The following COMMD7 variants were observed in gnomAD, a reference collection of about 807,000 sequenced individuals.
COMMD7 encodes the protein COMM domain-containing protein 7.
In COMMD7, 28 loss-of-function variants were observed where a neutral mutation model predicts 34.8. The ratio of observed to expected loss-of-function variants is 0.80; its 90% CI spans 0.60 to 1.10. The LOEUF (loss-of-function observed/expected upper bound fraction) is 1.10. COMMD7 is among the 50% of genes least tolerant of loss of function. The pLI is 0.00. For missense variants in COMMD7, 211 were observed against 241.6 expected (o/e 0.87, Z 0.84); for synonymous variants, 80 against 86.4 (o/e 0.93, Z 0.41).
At position 32,706,579 on chromosome 20, in the gene COMMD7, A is replaced by G; in HGVS notation, c.336+4T>C. The G allele has an allele frequency of 6.2e-7, 1 of 1,603,570 alleles. No homozygotes were observed. Among genetic ancestry groups the G allele is most frequent in the Non-Finnish European group, 8.5e-7 (1 of 1,170,654 alleles). ...CCATTAACCTTGATTAAGAGGAATT[A>G]TACCTTTTCAGAAAAGTAAGTGGCT... On this transcript the variant is annotated splice_donor_region_variant and intron_variant, in intron 5 of 8. Transcript: ENST00000278980.
rs1984993744 is a variant in COMMD7 at position 32,719,092 on chromosome 20, T to A, written c.241+8801A>T. 3.3e-5 allele frequency among the ~76,000 whole-genome samples: 5 copies of A among 152,274 alleles called. No individual in the cohort carries two copies. In the South Asian group the frequency reaches 1.0e-3, roughly 32 times the overall value. On this transcript the variant is annotated intron_variant, in intron 3 of 8. Transcript: ENST00000278980. ...ACACTGATGAGGGCCTGGAGGCTCT[T>A]ACGTTGCAGATTAGATTAGGAAAGG...
At chr20:32,735,915 T>C (rs1468410970) in intron 1 of COMMD7, among the ~76,000 whole-genome samples, 2 of 152,230 alleles carry the variant, frequency 1.3e-5, no homozygotes, top group African/African-American at 4.8e-5. Flanking sequence ...TTATCCTTTA[T>C]ATTTTTCTGA....
intron 1 of COMMD7, among the ~76,000 whole-genome samples, chr20:32,729,509 A>G (rs1035656738): frequency 1.6e-4 from 25 of 151,742 alleles, no homozygotes; most frequent in Non-Finnish European, 1.3e-4. Flanking sequence ...GGCCAGGTGC[A>G]GTGGCTCACG....
intron 3 of COMMD7, among the ~76,000 whole-genome samples, chr20:32,713,633 C>T (rs2145727472): frequency 6.6e-6 from 1 of 152,330 alleles, no homozygotes; most frequent in African/African-American, 2.4e-5. Context: ...CCCTGTGAGG[C>T]TCACAGAGAA....
Position 32,704,469 on chromosome 20 carries a change from A to G in COMMD7, c.448T>C (p.Leu150=). Residue 150 remains leucine (L), a synonymous_variant, in exon 7 of 9, where the codon TTG becomes CTG. Coordinates refer to ENST00000278980, the MANE Select transcript of COMMD7 (RefSeq NM_053041.3). The part of the protein sequence containing the change: ...KFGVTSGSSE[L]EKVGSIFLQL... ...AAAAATATACTTCCCACTTTCTCCA[A>G]TTCGCTGCTCCCAGATGTCACTGTG... 13 of 1,609,548 alleles carry G rather than the reference A, an allele frequency of 8.1e-6. No homozygotes were observed. The highest frequency in any genetic ancestry group is 1.0e-5 in the Non-Finnish European group (12 of 1,178,924).
Position 32,713,049 on chromosome 20 carries a change from C to CT in COMMD7, c.242-6290dup, listed in dbSNP as rs1318989294. ...GCCCGTCCTCTTTCTTTTTTAATTT[C>CT]TTTTTTTTTTTTTTTTGAGACAGAG... On this transcript the variant is annotated intron_variant, in intron 3 of 8. Coordinates refer to ENST00000278980, the MANE Select transcript of COMMD7 (RefSeq NM_053041.3). Among the ~76,000 whole-genome samples, 702 of 134,358 alleles carry CT rather than the reference C, an allele frequency of 5.2e-3. 2 individuals carry two copies. Among genetic ancestry groups the CT allele is most frequent in the African/African-American group, 0.01 (379 of 36,688 alleles). 88.1% of individuals were successfully genotyped at this position (134,358 alleles called of 152,430 possible).
chr20:32,728,118 G>T lies in COMMD7; in HGVS notation c.109C>A (p.Leu37Ile), dbSNP rs1985624226. ...TTTGGCTCAGTTAGGAAGTGGAAAA[G>T]CACCTCTGTCAGGGCTGAGAACTGC... Reference protein sequence around the residue: ...AQQFSALTEVLFHFLTEPKEV... With the variant: ...AQQFSALTEVIFHFLTEPKEV... Residue 37 changes from leucine to isoleucine, a missense_variant, in exon 2 of 9, where the codon CTT becomes ATT. By Grantham distance (5) the Leu-to-Ile change is conservative (BLOSUM62 2). Coordinates refer to ENST00000278980, the MANE Select transcript of COMMD7 (RefSeq NM_053041.3). The T allele has an allele frequency of 1.2e-6, 2 of 1,614,104 alleles. No homozygotes were observed. Among genetic ancestry groups the T allele is most frequent in the Non-Finnish European group, 1.7e-6 (2 of 1,180,038 alleles).
At chr20:32,728,191 CA>C in intron 1 of COMMD7, 49 bp from the exon 2 acceptor site, 1 of 1,576,234 alleles carries the variant, frequency 6.3e-7, no homozygotes, top group Non-Finnish European at 8.7e-7. Flanking sequence ...ACTACTGGGT[CA>C]GCATGCCCCA....
intron 3 of COMMD7, among the ~76,000 whole-genome samples, chr20:32,720,479 G>A (rs935430248): frequency 7.2e-5 from 11 of 151,808 alleles, no homozygotes; most frequent in African/African-American, 2.4e-4. Flanking sequence ...TGGGAGACAA[G>A]AGTGAAACTC....
chr20:32,722,158 T>C (rs987839534), intron 3 of COMMD7, among the ~76,000 whole-genome samples: 17 of 149,696 alleles, frequency 1.1e-4, no homozygotes, highest in African/African-American at 3.7e-4. Flanking sequence ...GGAAGGAGAA[T>C]TGCTTGAACC....
intron 3 of COMMD7, among the ~76,000 whole-genome samples, chr20:32,722,152 G>A (rs936378585): frequency 1.3e-5 from 2 of 150,840 alleles, no homozygotes; most frequent in African/African-American, 4.9e-5. Flanking sequence ...GGCTGAGGAA[G>A]GAGAATTGCT....
At chr20:32,740,444 T>C (rs1986377955) in intron 1 of COMMD7, among the ~76,000 whole-genome samples, 1 of 151,964 alleles carries the variant, frequency 6.6e-6, no homozygotes, top group African/African-American at 2.4e-5. Context: ...TATTGAAAAA[T>C]ATTTTGATAT....
chr20:32,712,940 A>G (rs547895067), intron 3 of COMMD7, among the ~76,000 whole-genome samples: 7 of 151,084 alleles, frequency 4.6e-5, no homozygotes, highest in African/African-American at 1.5e-4. Flanking sequence ...TTTAGTAGAG[A>G]CCAGGATGGT....
chr20:32,735,113 C>A (rs977263640), intron 1 of COMMD7, among the ~76,000 whole-genome samples: 2 of 150,352 alleles, frequency 1.3e-5, no homozygotes, highest in African/African-American at 4.9e-5. Flanking sequence ...TGGTGAGCAC[C>A]TGTAATCCCA....
intron 5 of COMMD7, among the ~76,000 whole-genome samples, chr20:32,705,681 G>T (rs1439791226): frequency 1.3e-5 from 2 of 152,044 alleles, no homozygotes; most frequent in Non-Finnish European, 2.9e-5. Flanking sequence ...CCAGTAGGAG[G>T]TATATTTTTA....
At chr20:32,716,935 C>T (rs552052187) in intron 3 of COMMD7, among the ~76,000 whole-genome samples, 5 of 152,010 alleles carry the variant, frequency 3.3e-5, no homozygotes, top group East Asian at 1.9e-4. Flanking sequence ...CTCTGCTCCC[C>T]GCCTCCCGGG....
At chr20:32,710,197 C>T (rs895534087) in intron 3 of COMMD7, among the ~76,000 whole-genome samples, 12 of 152,054 alleles carry the variant, frequency 7.9e-5, no homozygotes, top group Non-Finnish European at 1.5e-4. Context: ...AATAGCACTG[C>T]CCTTTACTCA....
At chr20:32,716,591 G>C (rs573040130) in intron 3 of COMMD7, among the ~76,000 whole-genome samples, 1 of 152,006 alleles carries the variant, frequency 6.6e-6, no homozygotes, top group Non-Finnish European at 1.5e-5. Context: ...CTCCAGCCTG[G>C]GTGACAGAGT....
intron 1 of COMMD7, among the ~76,000 whole-genome samples, chr20:32,733,488 G>C (rs1285398631): frequency 6.6e-6 from 1 of 152,098 alleles, no homozygotes; most frequent in Non-Finnish European, 1.5e-5. Flanking sequence ...GGAGGCCGAG[G>C]CGGGCAGATC....
Sources: allele counts gnomAD v4.1 joint callset (sites outside exome capture counted in the v4.1 genomes callset), GRCh38; gene constraint gnomAD v4.1.1; transcripts MANE v1.5; gene names NCBI Gene and HGNC (gene_info 2026-07-23, HGNC 2026-07-21).